Variants in ESYT2 observed in about 807,000 individuals in gnomAD.
The protein encoded by ESYT2 is extended synaptotagmin 2.
A neutral mutation model predicts 107.2 loss-of-function variants in ESYT2; 54 were observed. That is an observed-to-expected ratio of 0.50 (90% confidence interval 0.40 to 0.63). The LOEUF is 0.63. ESYT2 is among the 30% of genes least tolerant of loss of function. The pLI, the probability that ESYT2 is intolerant of heterozygous loss-of-function variation, is 0.00. For missense variants in ESYT2, 1,020 were observed against 1,094.5 expected, an observed-to-expected ratio of 0.93 and a Z score of 0.96; for synonymous variants, 491 against 434.1, an observed-to-expected ratio of 1.13 and a Z score of -1.63.
intron 10 of ESYT2, among the ~76,000 whole-genome samples, chr7:158,762,638 GTATT>G (rs1563634436): frequency 1.3e-5 from 2 of 152,158 alleles, no homozygotes; most frequent in East Asian, 1.9e-4. Flanking sequence ...GAACAAACCA[GTATT>G]TATTTTCCCA....
chr7:158,796,779 C>A (rs1839471341), intron 3 of ESYT2, among the ~76,000 whole-genome samples: 2 of 151,966 alleles, frequency 1.3e-5, no homozygotes, highest in African/African-American at 4.8e-5. Context: ...GGAAAAGGCA[C>A]CGCGGCGGGA....
Position 158,767,747 on chromosome 7 carries a change from A to T in ESYT2, c.831T>A (p.Asp277Glu), listed in dbSNP as rs1186334421. ...GAAGCACCAGATAGTTTGATATTAT[A>T]TCCAAAATGATAGTATCTGATAAAC... ...LNGLSDTIIL[D>E]IISNYLVLPN... is the part of the protein sequence containing the mutation. The change falls in exon 8 of 23, where the codon GAT becomes GAA. Residue 277 changes from aspartate (D) to glutamate (E), a missense_variant. Transcript: ENST00000275418. 1 of 1,613,220 alleles carries T rather than the reference A, an allele frequency of 6.2e-7. No individual in the cohort carries two copies. Among genetic ancestry groups the T allele is most frequent in the Non-Finnish European group, 8.5e-7 (1 of 1,179,596 alleles).
chr7:158,827,092 G>A (rs1308200520), intron 1 of ESYT2, among the ~76,000 whole-genome samples: 1 of 151,514 alleles, frequency 6.6e-6, no homozygotes, highest in East Asian at 1.9e-4. Flanking sequence ...GAACCCTGGA[G>A]GCGGAGGTTG....
intron 16 of ESYT2, among the ~76,000 whole-genome samples, chr7:158,747,816 C>A (rs1456008874): frequency 6.6e-6 from 1 of 152,186 alleles, no homozygotes; most frequent in Non-Finnish European, 1.5e-5. Context: ...GTCTTACTCA[C>A]AGGTAAATGG....
chr7:158,738,209 G>C (rs1587366497), intron 19 of ESYT2, among the ~76,000 whole-genome samples: 1 of 151,870 alleles, frequency 6.6e-6, no homozygotes, highest in Admixed American at 6.6e-5. Flanking sequence ...CTACTCGGGT[G>C]GCTGAGGCAG....
intron 16 of ESYT2, among the ~76,000 whole-genome samples, chr7:158,746,938 G>C (rs1444372212): frequency 6.6e-6 from 1 of 152,238 alleles, no homozygotes; most frequent in East Asian, 1.9e-4. Flanking sequence ...TGTAGTCCCA[G>C]CTACTCCGGA....
At chr7:158,746,828 G>A (rs896998319) in intron 16 of ESYT2, among the ~76,000 whole-genome samples, 1 of 152,134 alleles carries the variant, frequency 6.6e-6, no homozygotes, top group Non-Finnish European at 1.5e-5. Flanking sequence ...TCGAGCCCAG[G>A]AGTCTGCGAC....
intron 4 of ESYT2, among the ~76,000 whole-genome samples, chr7:158,792,764 GT>G (rs35348712): frequency 0.015 from 1,722 of 117,650 alleles, 10 homozygotes; most frequent in East Asian, 0.088. Flanking sequence ...ATAACGTGGG[GT>G]TTTTTTTTTT....
chr7:158,748,848 T>C (rs559066772), intron 15 of ESYT2, among the ~76,000 whole-genome samples: 179 of 152,066 alleles, frequency 1.2e-3, no homozygotes, highest in Non-Finnish European at 2.2e-3. Flanking sequence ...GCCTCCCAAG[T>C]AGCTGGGATT....
At chr7:158,760,235 G>A in intron 11 of ESYT2, 88 bp from the exon 12 acceptor site, 1 of 1,179,800 alleles carries the variant, frequency 8.5e-7, no homozygotes, top group Non-Finnish European at 1.3e-6. Context: ...GTTCCATGCT[G>A]CTCACTAACC....
chr7:158,782,038 C>A (rs190836597), intron 6 of ESYT2, among the ~76,000 whole-genome samples: 5 of 149,006 alleles, frequency 3.4e-5, no homozygotes, highest in Non-Finnish European at 5.9e-5. Flanking sequence ...AGTGCAAGAA[C>A]GAGAACAAGT....
intron 21 of ESYT2, 109 bp from the exon 22 acceptor site, chr7:158,734,580 A>G: frequency 3.1e-6 from 3 of 956,844 alleles, no homozygotes; most frequent in East Asian, 2.4e-5. Flanking sequence ...CTTAAGCCCA[A>G]GAGTTTGAGA....
intron 6 of ESYT2, among the ~76,000 whole-genome samples, chr7:158,781,698 G>A (rs1447913711): frequency 1.3e-5 from 2 of 151,902 alleles, no homozygotes; most frequent in Non-Finnish European, 2.9e-5. Context: ...CAAAGTGTCA[G>A]AGGTGGGAGT....
At chr7:158,828,601 C>A (rs1350415244) in intron 1 of ESYT2, among the ~76,000 whole-genome samples, 1 of 152,144 alleles carries the variant, frequency 6.6e-6, no homozygotes, top group East Asian at 1.9e-4. Flanking sequence ...GGCAGACGCG[C>A]CCCGGACCCG....
chr7:158,755,216 C>A (rs1837713061), intron 13 of ESYT2, among the ~76,000 whole-genome samples: 1 of 152,210 alleles, frequency 6.6e-6, no homozygotes, highest in African/African-American at 2.4e-5. Context: ...ACTGGGTTGG[C>A]AGCCGTCAAA....
At chr7:158,741,451 C>T (rs995346219) in intron 18 of ESYT2, 72 bp downstream of exon 18, 76 of 1,466,240 alleles carry the variant, frequency 5.2e-5, no homozygotes, top group Middle Eastern at 2.4e-4. Context: ...CTGCGTTAAA[C>T]GACTCTCCCC....
intron 8 of ESYT2, among the ~76,000 whole-genome samples, chr7:158,766,025 C>T (rs1442060875): frequency 6.6e-6 from 1 of 151,984 alleles, no homozygotes; most frequent in Non-Finnish European, 1.5e-5. Flanking sequence ...CAGTGAAACC[C>T]CATCTCTACT....
At position 158,777,458 on chromosome 7, in the gene ESYT2, T is replaced by C. The variant is rs145760454; in HGVS notation, c.748-4062A>G. Among the ~76,000 whole-genome samples the C allele has an allele frequency of 1.5e-3, 223 of 152,314 alleles. 1 individual carries two copies. The highest frequency in any genetic ancestry group is 5.2e-3 in the African/African-American group (218 of 41,574). ...TAGGAGGTGATTGGCGTGGGCACAGTTTCTCCCACACTATTCTCATGATAG... is the reference window on the plus strand; with the variant it reads ...TAGGAGGTGATTGGCGTGGGCACAGCTTCTCCCACACTATTCTCATGATAG... On this transcript the variant is annotated intron_variant, in intron 6 of 22. Transcript: ENST00000275418.
At chr7:158,752,156 T>G (rs1457763841) in intron 14 of ESYT2, among the ~76,000 whole-genome samples, 2 of 152,190 alleles carry the variant, frequency 1.3e-5, no homozygotes, top group Non-Finnish European at 2.9e-5. Context: ...GCCTAAAATA[T>G]TCAAAGAAAT....
Sources: allele counts gnomAD v4.1 joint callset (sites outside exome capture counted in the v4.1 genomes callset), GRCh38; gene constraint gnomAD v4.1.1; transcripts MANE v1.5; gene names NCBI Gene and HGNC (gene_info 2026-07-23, HGNC 2026-07-21).